CIC: variants seen among roughly 807,000 people sequenced by gnomAD.
The protein encoded by CIC is capicua transcriptional repressor.
A neutral mutation model predicts 115.7 loss-of-function variants in CIC; 18 were observed. The ratio of observed to expected loss-of-function variants is 0.16; its 90% confidence interval spans 0.11 to 0.23. CIC has a LOEUF of 0.23. Ranked by LOEUF, CIC falls within the 10% of genes least tolerant of loss-of-function variation. CIC has a pLI of 1.00. For synonymous variants in CIC, 1,076 were observed against 923.0 expected (o/e 1.17, Z -3.01); for missense variants, 2,000 against 2,159.3 (o/e 0.93, Z 1.46).
At position 42,291,461 on chromosome 19, in the gene CIC, C is replaced by T. The variant is rs760859270; in HGVS notation, c.5420C>T (p.Pro1807Leu). Residue 1807 changes from proline (P) to leucine (L), a missense_variant, in exon 11 of 21, where the codon CCC (proline) becomes CTC (leucine). Transcript: ENST00000681038. ...CAGTCTGTACCCTCCGCCCCACCCC[C>T]CAAAGGTGAGACCTGGGCCGGGCAG... ...ILQSVPSAPP[P>L]KAQSVSPVQA... 1.9e-6 allele frequency: 3 copies of T among 1,613,024 alleles called. No individual in the cohort carries two copies. Among genetic ancestry groups the T allele is most frequent in the Non-Finnish European group, 2.5e-6 (3 of 1,180,006 alleles).
rs374214918 is a variant in CIC, at chr19:42,293,751, C to G, written c.6682C>G (p.Pro2228Ala). Reference protein sequence around the residue: ...SSSGRAAGDTPERKEAAGTGK... With the variant: ...SSSGRAAGDTAERKEAAGTGK... ...CAGTGGGCGGGCAGCCGGGGACACCCCGGAGCGCAAGGAGGCGGCTGGTAC... is the reference window on the plus strand; with the variant it reads ...CAGTGGGCGGGCAGCCGGGGACACCGCGGAGCGCAAGGAGGCGGCTGGTAC... The change falls in exon 17 of 21, where the codon CCG (proline) becomes GCG (alanine). Residue 2228 changes from proline to alanine, a missense_variant. Pro to Ala is a conservative substitution (Grantham distance 27). This residue lies in a region of CIC where 1,466 missense variants were observed against 1,390.4 expected (regional missense o/e 1.05). Transcript: ENST00000681038. The G allele has an allele frequency of 1.6e-5, 26 of 1,612,864 alleles. No homozygotes were observed. Among genetic ancestry groups the G allele is most frequent in the Non-Finnish European group, 2.0e-5 (24 of 1,179,792 alleles).
At position 42,292,427 on chromosome 19, in the gene CIC, G is replaced by A. The variant is rs1402788286; in HGVS notation, c.5863G>A (p.Gly1955Arg). ...SSVALGFTSL[G>R]PSGPAFVQPL... ...TGTAGCTCTAGGCTTCACCTCGCTG[G>A]GGCCCAGCGGCCCCGCCTTCGTGCA... The change falls in exon 14 of 21, where the codon GGG (glycine) becomes AGG (arginine). Residue 1955 changes from glycine to arginine, a missense_variant. By Grantham distance (125) the Gly-to-Arg change is moderately radical. Coordinates refer to ENST00000681038, the MANE Select transcript of CIC (RefSeq NM_001386298.1). The A allele has an allele frequency of 1.2e-6, 2 of 1,610,914 alleles. No individual in the cohort carries two copies. The highest frequency in any genetic ancestry group is 1.3e-5 in the African/African-American group (1 of 74,830).
intron 2 of CIC, among the ~76,000 whole-genome samples, chr19:42,285,815 G>A (rs1188143647): frequency 6.6e-6 from 1 of 152,238 alleles, no homozygotes; most frequent in Non-Finnish European, 1.5e-5. Context: ...CCAGCCTAGG[G>A]CTTGCTCTTC....
intron 2 of CIC, among the ~76,000 whole-genome samples, chr19:42,279,484 G>A (rs1301653786): frequency 6.6e-6 from 1 of 152,170 alleles, no homozygotes; most frequent in African/African-American, 2.4e-5. Context: ...GCTGAAGTAT[G>A]AGGAATGAGT....
intron 2 of CIC, among the ~76,000 whole-genome samples, chr19:42,275,739 C>T (rs991562402): frequency 2.0e-5 from 3 of 152,104 alleles, no homozygotes; most frequent in African/African-American, 7.2e-5. Context: ...GTCTCGAATT[C>T]CTGGGCTCAA....
intron 2 of CIC, among the ~76,000 whole-genome samples, chr19:42,278,285 T>C (rs896768440): frequency 2.0e-5 from 3 of 152,248 alleles, no homozygotes; most frequent in African/African-American, 7.2e-5. Context: ...GCCCCATTCC[T>C]GGTATGGCCT....
At position 42,291,444 on chromosome 19, in the gene CIC, A is replaced by G. The variant is rs150924045; in HGVS notation, c.5403A>G (p.Val1801=). The G allele has an allele frequency of 4.4e-5, 71 of 1,612,624 alleles. No homozygotes were observed. Among genetic ancestry groups the G allele is most frequent in the Non-Finnish European group, 3.3e-5 (39 of 1,179,892 alleles). ...CTGGCATCCCCATCCTGCAGTCTGT[A>G]CCCTCCGCCCCACCCCCCAAAGGTG... ...PTPGIPILQS[V]PSAPPPKAQS... is the part of the protein sequence containing the mutation. Residue 1801 remains valine (V), a synonymous_variant, in exon 11 of 21, where the codon GTA becomes GTG. Transcript: ENST00000681038.
intron 10 of CIC, 105 bp from the exon 11 acceptor site, chr19:42,290,117 GGCAGGGGTGCA>G (rs1278383264): frequency 1.5e-5 from 22 of 1,506,062 alleles, no homozygotes; most frequent in Non-Finnish European, 1.9e-5. Flanking sequence ...GCCTTCAGCT[GGCAGGGGTGCA>G]GCCCTAGGCT....
intron 2 of CIC, among the ~76,000 whole-genome samples, chr19:42,276,343 T>G (rs1407653428): frequency 2.0e-5 from 3 of 152,072 alleles, no homozygotes; most frequent in African/African-American, 7.2e-5. Flanking sequence ...TAGGGAGTCA[T>G]GGAAGGTTTT....
At position 42,295,143 on chromosome 19, in the gene CIC, G is replaced by GGGGGCCCCCC; in HGVS notation, c.7506_7507insGGGGCCCCCC (p.Pro2503GlyfsTer23). The stretch of plus-strand genomic sequence containing the variant: ...AGCCTGGCTGGGAGGGGGCTCCCCA[G>GGGGGCCCCCC]CCCTCCCCCCCACCCCCAGGTCCCT... On this transcript the variant is annotated frameshift_variant, in exon 21 of 21. Coordinates refer to ENST00000681038, the MANE Select transcript of CIC (RefSeq NM_001386298.1). LOFTEE classifies it high-confidence loss of function. 2.1e-5 allele frequency: 29 copies of GGGGGCCCCCC among 1,382,632 alleles called. No individual in the cohort carries two copies. The highest frequency in any genetic ancestry group is 2.6e-5 in the Non-Finnish European group (27 of 1,037,726). 85.6% of individuals were successfully genotyped at this position (1,382,632 alleles called of 1,614,324 possible). A position where few individuals can be genotyped will look rare whatever the true frequency, so the allele number is the denominator to read the frequency against.
At chr19:42,271,129 T>C (rs1337764733) in intron 1 of CIC, among the ~76,000 whole-genome samples, 1 of 152,154 alleles carries the variant, frequency 6.6e-6, no homozygotes, top group East Asian at 1.9e-4. Flanking sequence ...CCACCCTTTT[T>C]GTGACTTGGT....
chr19:42,277,953 G>C (rs929413284), intron 2 of CIC, among the ~76,000 whole-genome samples: 7 of 152,356 alleles, frequency 4.6e-5, no homozygotes, highest in Non-Finnish European at 4.4e-5. Context: ...ATGGGGCCCA[G>C]ATAGGGCAGA....
At position 42,292,193 on chromosome 19, in the gene CIC, G is replaced by A. The variant is rs750563468; in HGVS notation, c.5721G>A (p.Leu1907=). The A allele has an allele frequency of 6.2e-7, 1 of 1,614,004 alleles. No homozygotes were observed. The highest frequency in any genetic ancestry group is 2.2e-5 in the East Asian group (1 of 44,868). The change falls in exon 13 of 21, where the codon TTG becomes TTA. Residue 1907 remains leucine, a synonymous_variant. Coordinates refer to ENST00000681038, the MANE Select transcript of CIC (RefSeq NM_001386298.1). ...CCTCTCAGCCTCAGAAGGTCCTGTTGCCCTCCTCCACCAGGTAATTGCAGC... is the reference window on the plus strand; with the variant it reads ...CCTCTCAGCCTCAGAAGGTCCTGTTACCCTCCTCCACCAGGTAATTGCAGC... ...GPTSQPQKVL[L]PSSTRITYVQ...
rs1322749790 is a variant in CIC, at chr19:42,293,747, C to T, written c.6678C>T (p.Asp2226=). 6.2e-7 allele frequency: 1 copy of T among 1,612,846 alleles called. No individual in the cohort carries two copies. The highest frequency in any genetic ancestry group is 1.7e-5 in the Admixed American group (1 of 60,008). The change falls in exon 17 of 21, where the codon GAC becomes GAT. Residue 2226 remains aspartate (D), a synonymous_variant. Transcript: ENST00000681038. ...SESSSGRAAG[D]TPERKEAAGT... The stretch of plus-strand genomic sequence containing the variant: ...GCAGCAGTGGGCGGGCAGCCGGGGA[C>T]ACCCCGGAGCGCAAGGAGGCGGCTG...
Position 42,293,292 on chromosome 19 carries a change from G to T in CIC, c.6522+11G>T. ...GGCCCTGAGACCATGGTGAGCGCCT[G>T]CAGGCCGTGGGGCTCCCACTGCCAC... On this transcript the variant is annotated intron_variant, in intron 16 of 20. Coordinates refer to ENST00000681038, the MANE Select transcript of CIC (RefSeq NM_001386298.1). 3 of 1,557,608 alleles carry T rather than the reference G, an allele frequency of 1.9e-6. No homozygotes were observed.
chr19:42,292,539 TC>T, intron 14 of CIC, 26 bp from the exon 15 acceptor site: 1 of 1,612,442 alleles, frequency 6.2e-7, no homozygotes, highest in South Asian at 1.1e-5. Context: ...TAACTTGGTC[TC>T]CTGCTTCTTC....
rs532405531 is a variant in CIC, at chr19:42,294,961, G to C, written c.7324G>C (p.Ala2442Pro). The part of the protein sequence containing the change: ...TPTEQPPGAE[A>P]PLPVPPPTGT... Reference sequence around the variant, plus strand: ...CACGGAGCAGCCCCCTGGAGCTGAGGCTCCTCTCCCTGTACCGCCCCCCAC... The same window carrying C: ...CACGGAGCAGCCCCCTGGAGCTGAGCCTCCTCTCCCTGTACCGCCCCCCAC... The change falls in exon 21 of 21, where the codon GCT becomes CCT. Residue 2442 changes from alanine (A) to proline (P), a missense_variant. Physicochemically the swap from Ala to Pro is conservative, Grantham distance 27. Coordinates refer to ENST00000681038, the MANE Select transcript of CIC (RefSeq NM_001386298.1). 6.2e-7 allele frequency: 1 copy of C among 1,600,294 alleles called. No individual in the cohort carries two copies. Among genetic ancestry groups the C allele is most frequent in the East Asian group, 2.2e-5 (1 of 44,860 alleles).
rs1200439913 is a variant in CIC, at chr19:42,291,172, C to T, written c.5131C>T (p.Pro1711Ser). The T allele has an allele frequency of 6.2e-7, 1 of 1,607,894 alleles. No homozygotes were observed. The highest frequency in any genetic ancestry group is 1.3e-5 in the African/African-American group (1 of 74,756). Residue 1711 changes from proline (P) to serine (S), a missense_variant, in exon 11 of 21, where the codon CCC becomes TCC. Around this residue, in one of 8 missense-constraint regions of CIC, gnomAD observed 1,466 missense variants for 1,390.4 expected, o/e 1.05. Coordinates refer to ENST00000681038, the MANE Select transcript of CIC (RefSeq NM_001386298.1). ...CTCAGGAGCAGGTGCTGGGAGTGGC[C>T]CCAATGGGCCAGTACCCCTGGGCAT... ...AGSGAGAGSGPNGPVPLGILQ... is the reference protein window; with the variant it reads ...AGSGAGAGSGSNGPVPLGILQ...
intron 2 of CIC, 43 bp from the exon 3 acceptor site, chr19:42,286,728 C>T: frequency 1.2e-6 from 2 of 1,612,962 alleles, no homozygotes; most frequent in South Asian, 1.1e-5. Context: ...GGGGTTGGGG[C>T]CAGGCTCTCC....
Sources: gnomAD v4.1 joint callset for allele counts (sites outside exome capture counted in the v4.1 genomes callset) on GRCh38, gnomAD v4.1.1 for gene constraint, gnomAD v4.1.1 regional missense constraint, MANE v1.5 for transcripts, NCBI Gene and HGNC (gene_info 2026-07-23, HGNC 2026-07-21) for gene names.